The following POLR3G variants were observed in gnomAD, a reference collection of about 807,000 sequenced individuals.
POLR3G encodes the protein RNA polymerase III subunit G.
POLR3G carries 28 observed loss-of-function variants against 30.1 expected under a neutral mutation model. The ratio of observed to expected loss-of-function variants is 0.93; its 90% CI spans 0.69 to 1.27. POLR3G has a LOEUF of 1.27. POLR3G is among the 50% of genes most tolerant of loss of function. POLR3G has a pLI of 0.00. For synonymous variants in POLR3G, 79 were observed against 82.5 expected (o/e 0.96, Z 0.23); for missense variants, 254 against 264.6 (o/e 0.96, Z 0.28).
At chr5:90,504,647 A>C (rs565403027) in intron 6 of POLR3G, among the ~76,000 whole-genome samples, 26 of 152,284 alleles carry the variant, frequency 1.7e-4, no homozygotes, top group Admixed American at 4.6e-4. Context: ...TGTTTTTTAG[A>C]TATAGTGTGT....
Position 90,485,543 on chromosome 5 carries a change from C to A in POLR3G, c.-25C>A, listed in dbSNP as rs1751393472. On this transcript the variant is annotated 5_prime_UTR_variant, in exon 2 of 8. Transcript: ENST00000651687. ...TTAATAGTGCCTTTCAGAATTTGCCCACTCATCTGGTATAACTGGTTCTGA... is the reference window on the plus strand; with the variant it reads ...TTAATAGTGCCTTTCAGAATTTGCCAACTCATCTGGTATAACTGGTTCTGA... The A allele has an allele frequency of 6.6e-7, 1 of 1,518,568 alleles. No individual in the cohort carries two copies. The highest frequency in any genetic ancestry group is 1.2e-5 in the South Asian group (1 of 84,574). 94.1% of individuals were successfully genotyped at this position (1,518,568 alleles called of 1,614,324 possible).
At chr5:90,505,959 G>T (rs1752462100) in intron 6 of POLR3G, among the ~76,000 whole-genome samples, 1 of 152,142 alleles carries the variant, frequency 6.6e-6, no homozygotes, top group South Asian at 2.1e-4. Flanking sequence ...AGACCACCAG[G>T]TACTGTGGCT....
At chr5:90,477,920 T>C (rs2151897061) in intron 1 of POLR3G, among the ~76,000 whole-genome samples, 1 of 152,340 alleles carries the variant, frequency 6.6e-6, no homozygotes, top group East Asian at 1.9e-4. Flanking sequence ...GTGTACACCC[T>C]ATGTAAATGA....
rs1053130895 is a variant in POLR3G, at chr5:90,502,486, A to G, written c.438+498A>G. On this transcript the variant is annotated intron_variant, in intron 6 of 7. Transcript: ENST00000651687. The stretch of plus-strand genomic sequence containing the variant: ...ATATTTCAAAAATAAAAAAATGTAG[A>G]TTCAGAAGGTTAAAGCACTGAAAAT... 5 of 628,568 alleles carry G rather than the reference A, an allele frequency of 8.0e-6. No individual in the cohort carries two copies. The African/African-American group carries it at 1.0e-4, about 13-fold the overall frequency. The allele number at this position is 628,568 out of a possible 1,614,324, so 38.9% of individuals were successfully genotyped here.
At chr5:90,475,354 T>G (rs1750743880) in intron 1 of POLR3G, among the ~76,000 whole-genome samples, 1 of 152,192 alleles carries the variant, frequency 6.6e-6, no homozygotes, top group South Asian at 2.1e-4. Flanking sequence ...AGATTGCAGC[T>G]GAGGACCGAC....
chr5:90,486,882 C>T (rs1261478735), intron 2 of POLR3G, among the ~76,000 whole-genome samples: 2 of 152,138 alleles, frequency 1.3e-5, no homozygotes, highest in Non-Finnish European at 2.9e-5. Context: ...TGGTATCCTC[C>T]ATAGTCTAAA....
chr5:90,492,958 T>C (rs1485578551), intron 3 of POLR3G, among the ~76,000 whole-genome samples: 1 of 152,164 alleles, frequency 6.6e-6, no homozygotes, highest in African/African-American at 2.4e-5. Flanking sequence ...AGTGATAAGC[T>C]AGATTCTACT....
chr5:90,481,743 A>C (rs1207513301), intron 1 of POLR3G, among the ~76,000 whole-genome samples: 1 of 152,228 alleles, frequency 6.6e-6, no homozygotes, highest in Non-Finnish European at 1.5e-5. Flanking sequence ...GATTTGAACA[A>C]ATTAACTGTA....
chr5:90,502,535 AT>A (rs1752295327), intron 6 of POLR3G: 1 of 368,978 alleles, frequency 2.7e-6, no homozygotes, highest in African/African-American at 2.2e-5. Flanking sequence ...TTTTTCAAAA[AT>A]AAAAAATGTA....
intron 3 of POLR3G, among the ~76,000 whole-genome samples, chr5:90,491,576 T>C (rs1342944852): frequency 1.3e-5 from 2 of 152,112 alleles, no homozygotes; most frequent in Admixed American, 1.3e-4. Context: ...TGATTAATAT[T>C]GATAACTTTT....
chr5:90,483,656 G>A (rs1224575143), intron 1 of POLR3G, among the ~76,000 whole-genome samples: 3 of 151,814 alleles, frequency 2.0e-5, no homozygotes, highest in African/African-American at 4.8e-5. Context: ...AAAATAAGCC[G>A]GGCATGGTGG....
At chr5:90,497,909 C>A (rs1347939559) in intron 5 of POLR3G, among the ~76,000 whole-genome samples, 1 of 151,922 alleles carries the variant, frequency 6.6e-6, no homozygotes, top group Non-Finnish European at 1.5e-5. Flanking sequence ...AGTTTGAGAC[C>A]AGCCTGGGCA....
At chr5:90,504,179 ATT>A (rs11340729) in intron 6 of POLR3G, among the ~76,000 whole-genome samples, 40 of 149,818 alleles carry the variant, frequency 2.7e-4, no homozygotes, top group Middle Eastern at 3.4e-3. Context: ...AAAGATGAGG[ATT>A]TTTTTTTTTA....
chr5:90,492,271 C>T (rs1020905851), intron 3 of POLR3G, among the ~76,000 whole-genome samples: 10 of 152,146 alleles, frequency 6.6e-5, no homozygotes, highest in Non-Finnish European at 5.9e-5. Flanking sequence ...TTATGGTGGC[C>T]TTCTACAGTC....
At chr5:90,478,384 T>C (rs150755428) in intron 1 of POLR3G, among the ~76,000 whole-genome samples, 1 of 152,142 alleles carries the variant, frequency 6.6e-6, no homozygotes, top group East Asian at 1.9e-4. Context: ...CTCCCTGGGA[T>C]TAAAAAAGTC....
chr5:90,512,091 T>A lies in POLR3G; in HGVS notation c.624T>A (p.Asp208Glu). 1 of 1,609,798 alleles carries A rather than the reference T, an allele frequency of 6.2e-7. No homozygotes were observed. Among genetic ancestry groups the A allele is most frequent in the Non-Finnish European group, 8.5e-7 (1 of 1,176,338 alleles). The change falls in exon 8 of 8, where the codon GAT (aspartate) becomes GAA (glutamate). Residue 208 changes from aspartate (D) to glutamate (E), a missense_variant. Coordinates refer to ENST00000651687, the MANE Select transcript of POLR3G (RefSeq NM_006467.3). Reference protein sequence around the residue: ...DYINSYFEDGDDFGADSDDNM... With the variant: ...DYINSYFEDGEDFGADSDDNM... ...TTAATTCATACTTTGAAGATGGAGA[T>A]GATTTTGGCGCAGACAGTGATGACA...
At chr5:90,497,978 C>A (rs1164730382) in intron 5 of POLR3G, among the ~76,000 whole-genome samples, 1 of 152,024 alleles carries the variant, frequency 6.6e-6, no homozygotes, top group East Asian at 1.9e-4. Flanking sequence ...AGTGTGGTGG[C>A]ATGCACCTGT....
intron 5 of POLR3G, among the ~76,000 whole-genome samples, chr5:90,498,966 G>A (rs1040720020): frequency 2.6e-5 from 4 of 152,184 alleles, no homozygotes; most frequent in African/African-American, 9.7e-5. Context: ...ATTGAAGGAT[G>A]AATAGGAGTT....
At chr5:90,498,596 A>G (rs1752100995) in intron 5 of POLR3G, among the ~76,000 whole-genome samples, 1 of 152,208 alleles carries the variant, frequency 6.6e-6, no homozygotes, top group South Asian at 2.1e-4. Context: ...AGCTGCTAAG[A>G]AAGACTTTTC....
Sources: allele counts gnomAD v4.1 joint callset (sites outside exome capture counted in the v4.1 genomes callset), GRCh38; gene constraint gnomAD v4.1.1; transcripts MANE v1.5; gene names NCBI Gene and HGNC (gene_info 2026-07-23, HGNC 2026-07-21).